Variants in FKRP observed in about 807,000 individuals in gnomAD.
FKRP encodes the protein ribitol 5-phosphate transferase FKRP.
Under a neutral mutation model 30.6 loss-of-function variants are expected in FKRP, and 25 were observed. The ratio of observed to expected loss-of-function variants is 0.82; its 90% CI spans 0.60 to 1.14. The LOEUF (loss-of-function observed/expected upper bound fraction) is 1.14. Ranked by LOEUF, FKRP falls within the 50% of genes most tolerant of loss-of-function variation. The pLI is 0.00. For missense variants in FKRP, 771 were observed against 727.8 expected, an observed-to-expected ratio of 1.06 and a Z score of -0.68; for synonymous variants, 358 against 342.5, an observed-to-expected ratio of 1.05 and a Z score of -0.50.
upstream of FKRP, chr19:46,746,043 G>GGCGTCCCGGCGGC: frequency 8.6e-7 from 1 of 1,161,896 alleles, no homozygotes. Context: ...CCCCCCGCCG[G>GGCGTCCCGGCGGC]CCGTCCCGGC....
rs995818740 is a variant in FKRP at position 46,755,516 on chromosome 19, C to T, written c.66C>T (p.Phe22=). The T allele has an allele frequency of 8.1e-6, 13 of 1,610,896 alleles. No homozygotes were observed. Among genetic ancestry groups the T allele is most frequent in the Non-Finnish European group, 1.1e-5 (13 of 1,179,000 alleles). The part of the protein sequence containing the change: ...AAITLNLLVL[F]YVSWLQHQPR... ...TCACCCTCAACCTTCTGGTCCTCTT[C>T]TATGTCTCGTGGCTGCAGCACCAGC... The change falls in exon 4 of 4, where the codon TTC becomes TTT. Residue 22 remains phenylalanine, a synonymous_variant. Coordinates refer to ENST00000318584, the MANE Select transcript of FKRP (RefSeq NM_024301.5).
chr19:46,746,494 C>A (rs1200018335), intron 1 of FKRP: 6 of 122,436 alleles, frequency 4.9e-5, no homozygotes, highest in Non-Finnish European at 5.8e-5. Flanking sequence ...CGCGCCAACA[C>A]CCCCCCCCCT....
rs1489408026 is a variant in FKRP, at chr19:46,756,001, C to T, written c.551C>T (p.Ala184Val). The change falls in exon 4 of 4, where the codon GCA becomes GTA. Residue 184 changes from alanine to valine, a missense_variant. Ala to Val is a moderately conservative substitution (Grantham distance 64). Transcript: ENST00000318584. This position sits in a 1 kb window ranked among gnomAD's most constrained non-coding sequence, Gnocchi z 6.6. ...CGAGAGTGGACCGCCCGCTATGGCG[C>T]AGCCCCCGCCGCGCCCCGCTGCGAC... ...SLREWTARYG[A>V]APAAPRCDAL... 6.5e-7 allele frequency: 1 copy of T among 1,548,066 alleles called. No individual in the cohort carries two copies. The highest frequency in any genetic ancestry group is 1.4e-5 in the African/African-American group (1 of 72,920).
At chr19:46,752,165 A>G (rs1183888117) in intron 3 of FKRP, among the ~76,000 whole-genome samples, 9 of 152,192 alleles carry the variant, frequency 5.9e-5, no homozygotes, top group Non-Finnish European at 5.9e-5. Context: ...GGTGCCAGCC[A>G]CAGAAGGGCC....
chr19:46,755,720 C>A lies in FKRP; in HGVS notation c.270C>A (p.Pro90=), dbSNP rs1276432637. 7 of 1,576,136 alleles carry A rather than the reference C, an allele frequency of 4.4e-6. No homozygotes were observed. Among genetic ancestry groups the A allele is most frequent in the Non-Finnish European group, 5.1e-6 (6 of 1,168,508 alleles). The change falls in exon 4 of 4, where the codon CCC becomes CCA. Residue 90 remains proline, a synonymous_variant. Transcript: ENST00000318584. ...CAGCCGACACGCTCCCCTACCCGCCCCTGGCCCTGCCCCGCATCCCCAACG... is the reference window on the plus strand; with the variant it reads ...CAGCCGACACGCTCCCCTACCCGCCACTGGCCCTGCCCCGCATCCCCAACG... ...VVAADTLPYP[P]LALPRIPNVR...
intron 3 of FKRP, 110 bp from the exon 4 acceptor site, chr19:46,755,302 A>T: frequency 1.3e-6 from 1 of 746,582 alleles, no homozygotes; most frequent in Non-Finnish European, 2.1e-6. Flanking sequence ...CCAAATAGGG[A>T]AAAGAAAGGG....
rs1210775020 is a variant in FKRP, at chr19:46,757,380, CTTCGG to C, written c.*443_*447del. 48 of 201,490 alleles carry C rather than the reference CTTCGG, an allele frequency of 2.4e-4. No individual in the cohort carries two copies. The highest frequency in any genetic ancestry group is 4.6e-5 in the Non-Finnish European group (4 of 87,208). 12.5% of individuals were successfully genotyped at this position (201,490 alleles called of 1,614,324 possible). ...CGAGATTCAAATCCTGGCTCTATCGCTTCGGAGCCAGGTGGGCCTGGGGGGGCGTC... is the reference window on the plus strand; with the variant it reads ...CGAGATTCAAATCCTGGCTCTATCGCAGCCAGGTGGGCCTGGGGGGGCGTC... On this transcript the variant is annotated 3_prime_UTR_variant, in exon 4 of 4. Coordinates refer to ENST00000318584, the MANE Select transcript of FKRP (RefSeq NM_024301.5).
chr19:46,756,586 G>C lies in FKRP; in HGVS notation c.1136G>C (p.Arg379Pro), dbSNP rs140217866. The change falls in exon 4 of 4, where the codon CGG (arginine) becomes CCG (proline). Residue 379 changes from arginine (R) to proline (P), a missense_variant. Physicochemically the swap from Arg to Pro is moderately radical, Grantham distance 103 (BLOSUM62 -2). Coordinates refer to ENST00000318584, the MANE Select transcript of FKRP (RefSeq NM_024301.5). The surrounding 1 kb of genome is among the most constrained non-coding windows in gnomAD (Gnocchi z 6.6). ...LEDVGNCEQLRGAEAGSVVDE... is the reference protein window; with the variant it reads ...LEDVGNCEQLPGAEAGSVVDE... Reference sequence around the variant, plus strand: ...GACGTGGGCAACTGCGAGCAGCTGCGGGGGGCAGAGGCCGGCTCGGTGGTG... The same window carrying C: ...GACGTGGGCAACTGCGAGCAGCTGCCGGGGGCAGAGGCCGGCTCGGTGGTG... 1.2e-6 allele frequency: 2 copies of C among 1,610,288 alleles called. No individual in the cohort carries two copies. The highest frequency in any genetic ancestry group is 2.7e-5 in the African/African-American group (2 of 74,894).
chr19:46,748,630 TCA>T lies in FKRP; in HGVS notation c.-74_-73del. 6.6e-6 allele frequency: 1 copy of T among 152,328 alleles called. No individual in the cohort carries two copies. The highest frequency in any genetic ancestry group is 2.4e-5 in the African/African-American group (1 of 41,558). 9.4% of individuals were successfully genotyped at this position (152,328 alleles called of 1,614,324 possible). ...GGGGACTGGAGAGACAAGTAAACTC[TCA>T]GAGTAACTGTCCCCTCTGACTACCA... On this transcript the variant is annotated 5_prime_UTR_variant, in exon 3 of 4. Coordinates refer to ENST00000318584, the MANE Select transcript of FKRP (RefSeq NM_024301.5).
In FKRP at chr19:46,757,702, A is replaced by G. The variant is rs1209810498; in HGVS notation, c.*764A>G. 12 of 167,394 alleles carry G rather than the reference A, an allele frequency of 7.2e-5. No homozygotes were observed. The allele number at this position is 167,394 out of a possible 1,614,324, so 10.4% of individuals were successfully genotyped here. On this transcript the variant is annotated 3_prime_UTR_variant, in exon 4 of 4. Coordinates refer to ENST00000318584, the MANE Select transcript of FKRP (RefSeq NM_024301.5). ...CCTGCATGCTACTCTTAACTGTTCT[A>G]TTCAAGACTGAATAGAAGTATTTCA...
At position 46,753,266 on chromosome 19, in the gene FKRP, G is replaced by A. The variant is rs1043138172; in HGVS notation, c.-39-2146G>A. Among the ~76,000 whole-genome samples the A allele has an allele frequency of 2.4e-4, 35 of 148,574 alleles. 2 individuals carry two copies. Among genetic ancestry groups the A allele is most frequent in the Non-Finnish European group, 1.5e-5 (1 of 67,414 alleles). On this transcript the variant is annotated intron_variant, in intron 3 of 3. Coordinates refer to ENST00000318584, the MANE Select transcript of FKRP (RefSeq NM_024301.5). The stretch of plus-strand genomic sequence containing the variant: ...GGATCACCTGAGGTCAGGAGTTCGA[G>A]ACCAGCCTGACCAACATCCCGTCTC...
chr19:46,746,035 C>G (rs1485602918), upstream of FKRP: 35 of 1,223,194 alleles, frequency 2.9e-5, 3 homozygotes, highest in South Asian at 7.1e-4. Context: ...CCTCCCGCCC[C>G]CCCGCCGGCC....
Position 46,757,243 on chromosome 19 carries a change from C to G in FKRP, c.*305C>G, listed in dbSNP as rs1431102360. 1 of 517,926 alleles carries G rather than the reference C, an allele frequency of 1.9e-6. No homozygotes were observed. The highest frequency in any genetic ancestry group is 1.9e-5 in the African/African-American group (1 of 51,778). The allele number at this position is 517,926 out of a possible 1,614,324, so 32.1% of individuals were successfully genotyped here. On this transcript the variant is annotated 3_prime_UTR_variant, in exon 4 of 4. Transcript: ENST00000318584. ...GGGGATGTCACGCCGTCCCGCAGGG[C>G]CCAGCACAGCCCCAGACCCGAAAAA...
intron 3 of FKRP, among the ~76,000 whole-genome samples, chr19:46,754,897 C>T (rs979529029): frequency 1.3e-4 from 20 of 152,212 alleles, no homozygotes; most frequent in African/African-American, 3.6e-4. Context: ...TAAGCCACCG[C>T]GCCCAGCCTA....
Position 46,756,402 on chromosome 19 carries a change from T to C in FKRP, c.952T>C (p.Cys318Arg). ...CGAGGAGCGCTGGACGCCCCCCTGC[T>C]GCCTGCGCGCGCTGCGCGAGACCGC... ...LYEERWTPPC[C>R]LRALRETARY... The change falls in exon 4 of 4, where the codon TGC becomes CGC. Residue 318 changes from cysteine (C) to arginine (R), a missense_variant. Coordinates refer to ENST00000318584, the MANE Select transcript of FKRP (RefSeq NM_024301.5). This position sits in a 1 kb window ranked among gnomAD's most constrained non-coding sequence, Gnocchi z 6.6. 1 of 1,570,654 alleles carries C rather than the reference T, an allele frequency of 6.4e-7. No individual in the cohort carries two copies. The highest frequency in any genetic ancestry group is 8.6e-7 in the Non-Finnish European group (1 of 1,159,068).
rs1568419920 is a variant in FKRP at position 46,756,551 on chromosome 19, C to T, written c.1101C>T (p.Ile367=). 1.2e-6 allele frequency: 2 copies of T among 1,606,666 alleles called. No homozygotes were observed. The highest frequency in any genetic ancestry group is 1.7e-6 in the Non-Finnish European group (2 of 1,177,586). The change falls in exon 4 of 4, where the codon ATC becomes ATT. Residue 367 remains isoleucine, a synonymous_variant. Transcript: ENST00000318584. The surrounding 1 kb of genome is among the most constrained non-coding windows in gnomAD (Gnocchi z 6.6). ...GGGACTACGACGTGGACCTGGGCAT[C>T]TACTTGGAGGACGTGGGCAACTGCG... is the stretch of plus-strand genomic sequence containing the variant. ...IPWDYDVDLG[I]YLEDVGNCEQ...
In FKRP at chr19:46,755,897, C is replaced by G. The variant is rs1464406509; in HGVS notation, c.447C>G (p.Arg149=). 6.6e-7 allele frequency: 1 copy of G among 1,515,598 alleles called. No homozygotes were observed. Among genetic ancestry groups the G allele is most frequent in the Admixed American group, 2.1e-5 (1 of 47,892 alleles). The allele number at this position is 1,515,598 out of a possible 1,614,324, so 93.9% of individuals were successfully genotyped here. A position where few individuals can be genotyped will look rare whatever the true frequency, so the allele number is the denominator to read the frequency against. ...TGGAGCGCATGGTGGAGGCGCTCCG[C>G]GCAGGAAGCGCACGTCTGGTGGCCG... ...GLLERMVEAL[R]AGSARLVAAP... is the part of the protein sequence containing the mutation. Residue 149 remains arginine (R), a synonymous_variant, in exon 4 of 4, where the codon CGC becomes CGG. Coordinates refer to ENST00000318584, the MANE Select transcript of FKRP (RefSeq NM_024301.5).
chr19:46,755,741 C>T lies in FKRP; in HGVS notation c.291C>T (p.Pro97=), dbSNP rs1215872713. The change falls in exon 4 of 4, where the codon CCC becomes CCT. Residue 97 remains proline (P), a synonymous_variant. Coordinates refer to ENST00000318584, the MANE Select transcript of FKRP (RefSeq NM_024301.5). ...PYPPLALPRI[P]NVRLALLQPA... is the part of the protein sequence containing the mutation. Reference sequence around the variant, plus strand: ...CGCCCCTGGCCCTGCCCCGCATCCCCAACGTGCGTCTGGCGCTGCTCCAGC... The same window carrying T: ...CGCCCCTGGCCCTGCCCCGCATCCCTAACGTGCGTCTGGCGCTGCTCCAGC... 5 of 1,561,694 alleles carry T rather than the reference C, an allele frequency of 3.2e-6. No individual in the cohort carries two copies. In the African/African-American group the frequency reaches 5.4e-5, roughly 17 times the overall value.
Position 46,757,051 on chromosome 19 carries a change from C to A in FKRP, c.*113C>A, listed in dbSNP as rs916693739. On this transcript the variant is annotated 3_prime_UTR_variant, in exon 4 of 4. Transcript: ENST00000318584. The stretch of plus-strand genomic sequence containing the variant: ...CGGAGAGGGGAAGGGGGAAACTGAC[C>A]AAGAAAGAAATTCTAAGGAGAGCAT... 5.8e-6 allele frequency: 8 copies of A among 1,384,472 alleles called. No individual in the cohort carries two copies. The African/African-American group carries it at 8.6e-5, about 15-fold the overall frequency. 85.8% of individuals were successfully genotyped at this position (1,384,472 alleles called of 1,614,324 possible). A position where few individuals can be genotyped will look rare whatever the true frequency, so the allele number is the denominator to read the frequency against.
Sources: gnomAD v4.1 joint callset for allele counts (sites outside exome capture counted in the v4.1 genomes callset) on GRCh38, gnomAD v4.1.1 for gene constraint, Gnocchi (gnomAD v3.1) non-coding constraint, MANE v1.5 for transcripts, NCBI Gene and HGNC (gene_info 2026-07-23, HGNC 2026-07-21) for gene names.